The following HHLA1 variants were observed in gnomAD, a reference collection of about 807,000 sequenced individuals.
The protein encoded by HHLA1 is HHLA1 neighbor of OC90, also known as HERV-H LTR-associating protein 1.
Under a neutral mutation model 69.9 loss-of-function variants are expected in HHLA1, and 72 were observed. The observed-to-expected ratio is 1.03, with a 90% confidence interval of 0.85 to 1.25. HHLA1 has a LOEUF of 1.25. Among genes scored for constraint, HHLA1 ranks in the 50% most tolerant of loss-of-function variants. The pLI is 0.00. For synonymous variants in HHLA1, 252 were observed against 233.2 expected (o/e 1.08, Z -0.73); for missense variants, 685 against 642.2 (o/e 1.07, Z -0.72).
At chr8:132,067,993 C>T (rs1027625704) in intron 15 of HHLA1, among the ~76,000 whole-genome samples, 7 of 152,342 alleles carry the variant, frequency 4.6e-5, no homozygotes, top group African/African-American at 1.7e-4. Context: ...GCTGTATGGT[C>T]TAATCCCATT....
At chr8:132,072,698 G>A in intron 14 of HHLA1, among the ~76,000 whole-genome samples, 1 of 152,184 alleles carries the variant, frequency 6.6e-6, no homozygotes, top group Non-Finnish European at 1.5e-5. Flanking sequence ...TTATTGTCTA[G>A]CAGACTCTCT....
At chr8:132,093,504 G>A (rs1241389620) in intron 7 of HHLA1, among the ~76,000 whole-genome samples, 3 of 152,180 alleles carry the variant, frequency 2.0e-5, no homozygotes, top group African/African-American at 7.2e-5. Context: ...AAGGTGTTGA[G>A]CAACGGCAAG....
chr8:132,066,335 T>C (rs2130873452), intron 15 of HHLA1, among the ~76,000 whole-genome samples: 1 of 152,350 alleles, frequency 6.6e-6, no homozygotes, highest in African/African-American at 2.4e-5. Context: ...GTAAAGTTCC[T>C]GAACAGTACC....
intron 16 of HHLA1, among the ~76,000 whole-genome samples, chr8:132,065,407 G>A (rs761460845): frequency 1.3e-5 from 2 of 152,044 alleles, no homozygotes; most frequent in East Asian, 1.9e-4. Context: ...TCAGCCTCCC[G>A]AGTAGCTGGG....
At chr8:132,079,216 G>A (rs967748385) in intron 11 of HHLA1, among the ~76,000 whole-genome samples, 2 of 152,208 alleles carry the variant, frequency 1.3e-5, no homozygotes, top group Admixed American at 6.5e-5. Context: ...TTTCCCACTG[G>A]TGTTAAGTCA....
intron 7 of HHLA1, among the ~76,000 whole-genome samples, chr8:132,094,227 G>A (rs1452673640): frequency 6.6e-6 from 1 of 152,128 alleles, no homozygotes; most frequent in South Asian, 2.1e-4. Context: ...AAGTACAAGA[G>A]GCTTTGGTTG....
intron 10 of HHLA1, among the ~76,000 whole-genome samples, chr8:132,084,014 C>T (rs993534280): frequency 8.6e-5 from 13 of 151,382 alleles, no homozygotes; most frequent in Non-Finnish European, 1.5e-4. Context: ...AGGGTTGCTG[C>T]CAAACAAGTC....
In HHLA1 at chr8:132,095,735, G is replaced by A. The variant is rs1824013536; in HGVS notation, c.332C>T (p.Ala111Val). ...AACAGCTACAGAAAACTTGTGGAAGGCGAAGGAACTGTAGGAAGTGACACT... is the reference window on the plus strand; with the variant it reads ...AACAGCTACAGAAAACTTGTGGAAGACGAAGGAACTGTAGGAAGTGACACT... ...LLSVTSYSSFAFHKFSVAVYN... is the reference protein window; with the variant it reads ...LLSVTSYSSFVFHKFSVAVYN... Residue 111 changes from alanine (A) to valine (V), a missense_variant, in exon 6 of 17, where the codon GCC (alanine) becomes GTC (valine). By Grantham distance (64) the Ala-to-Val change is moderately conservative (BLOSUM62 0). Coordinates refer to ENST00000414222, the MANE Select transcript of HHLA1 (RefSeq NM_001145095.3). 6.4e-7 allele frequency: 1 copy of A among 1,551,280 alleles called. No individual in the cohort carries two copies. Among genetic ancestry groups the A allele is most frequent in the Non-Finnish European group, 8.7e-7 (1 of 1,146,820 alleles).
At chr8:132,066,142 G>T (rs1319012527) in intron 15 of HHLA1, among the ~76,000 whole-genome samples, 174 bp from the exon 16 acceptor site, 1 of 151,904 alleles carries the variant, frequency 6.6e-6, no homozygotes, top group East Asian at 1.9e-4. Context: ...AAGAAGGCTG[G>T]GTAGGAAGAA....
At chr8:132,100,713 C>T (rs2469495) in intron 3 of HHLA1, among the ~76,000 whole-genome samples, 43,716 of 152,142 alleles carry the variant, frequency 0.29, 6,417 homozygotes, top group Middle Eastern at 0.34. Context: ...TCCATGGGGC[C>T]TCCTGTGTGT....
Position 132,063,550 on chromosome 8 carries a change from T to C in HHLA1, c.*445A>G, listed in dbSNP as rs985709496. 1.3e-5 allele frequency: 2 copies of C among 153,828 alleles called. No individual in the cohort carries two copies. Among genetic ancestry groups the C allele is most frequent in the Non-Finnish European group, 2.9e-5 (2 of 68,974 alleles). The allele number at this position is 153,828 out of a possible 1,614,324, so 9.5% of individuals were successfully genotyped here. A position where few individuals can be genotyped will look rare whatever the true frequency, so the allele number is the denominator to read the frequency against. On this transcript the variant is annotated 3_prime_UTR_variant, in exon 17 of 17. Coordinates refer to ENST00000414222, the MANE Select transcript of HHLA1 (RefSeq NM_001145095.3). ...TCTCTCTAGAGTATGAATTCAATAT[T>C]AATTTATGCTTTTGTTGTCTTTCAA...
At chr8:132,082,316 G>A (rs1043781988) in intron 10 of HHLA1, among the ~76,000 whole-genome samples, 30 of 152,218 alleles carry the variant, frequency 2.0e-4, no homozygotes, top group South Asian at 4.1e-4. Flanking sequence ...AGCAGCAGCC[G>A]CTGCACGCAG....
At chr8:132,085,264 C>T in intron 10 of HHLA1, 1 of 170,870 alleles carries the variant, frequency 5.9e-6, no homozygotes, top group Non-Finnish European at 1.3e-5. Context: ...TAAAACATAT[C>T]TCCTTTGCCT....
intron 7 of HHLA1, among the ~76,000 whole-genome samples, chr8:132,091,092 C>T (rs1208129938): frequency 2.6e-5 from 4 of 152,024 alleles, no homozygotes; most frequent in Non-Finnish European, 5.9e-5. Flanking sequence ...CTTAGTTATT[C>T]CATATATTTT....
chr8:132,063,003 A>C lies in HHLA1; in HGVS notation c.*992T>G, dbSNP rs1228363633. ...TAGAGGGACTGGAGACTGAATAACTAAGTTTAGCCATGCAGGCCATGAAGG... is the reference window on the plus strand; with the variant it reads ...TAGAGGGACTGGAGACTGAATAACTCAGTTTAGCCATGCAGGCCATGAAGG... On this transcript the variant is annotated 3_prime_UTR_variant, in exon 17 of 17. Coordinates refer to ENST00000414222, the MANE Select transcript of HHLA1 (RefSeq NM_001145095.3). 3 of 152,140 alleles carry C rather than the reference A, an allele frequency of 2.0e-5. No individual in the cohort carries two copies. The highest frequency in any genetic ancestry group is 7.2e-5 in the African/African-American group (3 of 41,420). The allele number at this position is 152,140 out of a possible 1,614,324, so 9.4% of individuals were successfully genotyped here. A position where few individuals can be genotyped will look rare whatever the true frequency, so the allele number is the denominator to read the frequency against.
At position 132,061,591 on chromosome 8, in the gene HHLA1, A is replaced by T. The variant is rs925641169; in HGVS notation, c.*2404T>A. On this transcript the variant is annotated 3_prime_UTR_variant, in exon 17 of 17. Coordinates refer to ENST00000414222, the MANE Select transcript of HHLA1 (RefSeq NM_001145095.3). ...ATCTCTTTCACCTCATCTGCTAACCACTGGTGGCCACATACATACACACTA... is the reference window on the plus strand; with the variant it reads ...ATCTCTTTCACCTCATCTGCTAACCTCTGGTGGCCACATACATACACACTA... The T allele has an allele frequency of 6.6e-6, 1 of 152,194 alleles. No homozygotes were observed. The highest frequency in any genetic ancestry group is 1.5e-5 in the Non-Finnish European group (1 of 68,084). The allele number at this position is 152,194 out of a possible 1,614,324, so 9.4% of individuals were successfully genotyped here.
In HHLA1 at chr8:132,089,609, A is replaced by G; in HGVS notation, c.449-10T>C. ...AGTAGAGCTGTAAAATCTGCAAGAC[A>G]AATTTAGGAGGTTTAAATTTCTGCT... On this transcript the variant is annotated splice_polypyrimidine_tract_variant and intron_variant, in intron 7 of 16. Coordinates refer to ENST00000414222, the MANE Select transcript of HHLA1 (RefSeq NM_001145095.3). The G allele has an allele frequency of 1.5e-6, 2 of 1,321,164 alleles. No individual in the cohort carries two copies. The highest frequency in any genetic ancestry group is 2.1e-6 in the Non-Finnish European group (2 of 936,190). The allele number at this position is 1,321,164 out of a possible 1,614,324, so 81.8% of individuals were successfully genotyped here. A position where few individuals can be genotyped will look rare whatever the true frequency, so the allele number is the denominator to read the frequency against.
chr8:132,083,992 A>G (rs2915575), intron 10 of HHLA1, among the ~76,000 whole-genome samples: 104,045 of 149,062 alleles, frequency 0.7, 36,475 homozygotes, highest in South Asian at 0.76. Flanking sequence ...GTCTAGGGCT[A>G]TAAAGTGTCT....
intron 4 of HHLA1, 76 bp downstream of exon 4, chr8:132,099,999 G>A: frequency 9.2e-7 from 1 of 1,087,482 alleles, no homozygotes; most frequent in Middle Eastern, 2.0e-4. Flanking sequence ...CTGTGGGAAA[G>A]AACAGAGGTC....
Sources: allele counts gnomAD v4.1 joint callset (sites outside exome capture counted in the v4.1 genomes callset), GRCh38; gene constraint gnomAD v4.1.1; transcripts MANE v1.5; gene names NCBI Gene and HGNC (gene_info 2026-07-23, HGNC 2026-07-21).